Variants in UBE2Z observed in about 807,000 individuals in gnomAD.
UBE2Z encodes the protein ubiquitin conjugating enzyme E2 Z, also known as ubiquitin-conjugating enzyme E2 Z.
UBE2Z carries 10 observed loss-of-function variants against 32.6 expected under a neutral mutation model. That is an observed-to-expected ratio of 0.31 (90% CI 0.19 to 0.52). The LOEUF is 0.52. Among genes scored for constraint, UBE2Z ranks in the 20% least tolerant of loss-of-function variants. The pLI is 0.97. For synonymous variants in UBE2Z, 183 were observed against 190.8 expected (o/e 0.96, Z 0.34); for missense variants, 343 against 480.9 (o/e 0.71, Z 2.68).
chr17:48,926,519 A>C (rs2040799385), intron 6 of UBE2Z, among the ~76,000 whole-genome samples: 1 of 142,088 alleles, frequency 7.0e-6, no homozygotes, highest in African/African-American at 2.7e-5. Context: ...CTTGTTGCCC[A>C]GGCTGGAGTG....
rs958898985 is a variant in UBE2Z at position 48,913,369 on chromosome 17, G to T, written c.578+348G>T. Among the ~76,000 whole-genome samples, 170 of 152,164 alleles carry T rather than the reference G, an allele frequency of 1.1e-3. 1 individual carries two copies. Among genetic ancestry groups the T allele is most frequent in the African/African-American group, 3.9e-3 (163 of 41,534 alleles). The stretch of plus-strand genomic sequence containing the variant: ...TTTTTTTGGTTGTTGTTTTTTGTTT[G>T]TTTTGAGACGGAGTCTTGCTCTGTC... On this transcript the variant is annotated intron_variant, in intron 3 of 6. Transcript: ENST00000360943.
Position 48,927,276 on chromosome 17 carries a change from T to A in UBE2Z, c.*142T>A. 1 of 911,244 alleles carries A rather than the reference T, an allele frequency of 1.1e-6. No homozygotes were observed. The highest frequency in any genetic ancestry group is 2.7e-5 in the East Asian group (1 of 37,584). The allele number at this position is 911,244 out of a possible 1,614,324, so 56.4% of individuals were successfully genotyped here. A position where few individuals can be genotyped will look rare whatever the true frequency, so the allele number is the denominator to read the frequency against. On this transcript the variant is annotated 3_prime_UTR_variant, in exon 7 of 7. Transcript: ENST00000360943. Reference sequence around the variant, plus strand: ...ATGGCAAGAACCAAGCAAGCTCCGATCCCAGGGTGTGGGAGTGGGGGCCTG... The same window carrying A: ...ATGGCAAGAACCAAGCAAGCTCCGAACCCAGGGTGTGGGAGTGGGGGCCTG...
intron 4 of UBE2Z, among the ~76,000 whole-genome samples, chr17:48,919,072 G>C (rs62075839): frequency 0.41 from 62,075 of 151,290 alleles, 15,194 homozygotes; most frequent in East Asian, 0.71. Context: ...TTTACTTCCA[G>C]AATGACTTGC....
Position 48,908,441 on chromosome 17 carries a change from C to T in UBE2Z, c.-63C>T. ...CGGTTCTCGGTGGTGCGGGAGCGGG[C>T]GGGAGCAGCGGCCGCTCTGGTCGGC... On this transcript the variant is annotated 5_prime_UTR_variant, in exon 1 of 7. Coordinates refer to ENST00000360943, the MANE Select transcript of UBE2Z (RefSeq NM_023079.5). 4 of 1,204,744 alleles carry T rather than the reference C, an allele frequency of 3.3e-6. No individual in the cohort carries two copies. Among genetic ancestry groups the T allele is most frequent in the South Asian group, 8.5e-5 (2 of 23,594 alleles). The allele number at this position is 1,204,744 out of a possible 1,614,324, so 74.6% of individuals were successfully genotyped here. A position where few individuals can be genotyped will look rare whatever the true frequency, so the allele number is the denominator to read the frequency against.
Position 48,927,386 on chromosome 17 carries a change from A to G in UBE2Z, c.*252A>G. The G allele has an allele frequency of 2.2e-6, 1 of 464,662 alleles. No homozygotes were observed. Among genetic ancestry groups the G allele is most frequent in the Non-Finnish European group, 3.9e-6 (1 of 254,126 alleles). The allele number at this position is 464,662 out of a possible 1,614,324, so 28.8% of individuals were successfully genotyped here. A position where few individuals can be genotyped will look rare whatever the true frequency, so the allele number is the denominator to read the frequency against. ...GTATCAGGGGCCAAGGTACCTTTAC[A>G]GGAGCACCTAGAGCGAGGGCCTTTG... is the stretch of plus-strand genomic sequence containing the variant. On this transcript the variant is annotated 3_prime_UTR_variant, in exon 7 of 7. Coordinates refer to ENST00000360943, the MANE Select transcript of UBE2Z (RefSeq NM_023079.5).
In UBE2Z at chr17:48,927,270, C is replaced by G. The variant is rs917115571; in HGVS notation, c.*136C>G. 1 of 964,138 alleles carries G rather than the reference C, an allele frequency of 1.0e-6. No individual in the cohort carries two copies. The highest frequency in any genetic ancestry group is 1.6e-5 in the African/African-American group (1 of 60,996). The allele number at this position is 964,138 out of a possible 1,614,324, so 59.7% of individuals were successfully genotyped here. A position where few individuals can be genotyped will look rare whatever the true frequency, so the allele number is the denominator to read the frequency against. Reference sequence around the variant, plus strand: ...TGCAAGATGGCAAGAACCAAGCAAGCTCCGATCCCAGGGTGTGGGAGTGGG... The same window carrying G: ...TGCAAGATGGCAAGAACCAAGCAAGGTCCGATCCCAGGGTGTGGGAGTGGG... On this transcript the variant is annotated 3_prime_UTR_variant, in exon 7 of 7. Coordinates refer to ENST00000360943, the MANE Select transcript of UBE2Z (RefSeq NM_023079.5).
intron 6 of UBE2Z, among the ~76,000 whole-genome samples, chr17:48,925,137 G>T (rs773249348): frequency 1.3e-5 from 2 of 151,920 alleles, no homozygotes; most frequent in African/African-American, 4.8e-5. Flanking sequence ...ACAAAAATTA[G>T]CCAGATGTAG....
At chr17:48,922,778 A>AAT in intron 5 of UBE2Z, 69 bp from the exon 6 acceptor site, 1 of 1,204,624 alleles carries the variant, frequency 8.3e-7, no homozygotes, top group Non-Finnish European at 1.2e-6. Flanking sequence ...AAAAAAAAAA[A>AAT]GGTTAGGTAA....
chr17:48,921,278 T>C lies in UBE2Z; in HGVS notation c.803+6T>C. The C allele has an allele frequency of 6.2e-7, 1 of 1,604,310 alleles. No individual in the cohort carries two copies. Among genetic ancestry groups the C allele is most frequent in the Non-Finnish European group, 8.5e-7 (1 of 1,174,694 alleles). ...CCCTGTCCTGAACCCCTACGGTATGTGTCAAGCGGGCTTGCTTGGTATTCC... is the reference window on the plus strand; with the variant it reads ...CCCTGTCCTGAACCCCTACGGTATGCGTCAAGCGGGCTTGCTTGGTATTCC... On this transcript the variant is annotated splice_donor_region_variant and intron_variant, in intron 5 of 6. Transcript: ENST00000360943.
chr17:48,908,727 A>C lies in UBE2Z; in HGVS notation c.224A>C (p.His75Pro), dbSNP rs1394817895. Residue 75 changes from histidine (H) to proline (P), a missense_variant, in exon 1 of 7, where the codon CAC (histidine) becomes CCC (proline). Physicochemically the swap from His to Pro is moderately conservative, Grantham distance 77. Coordinates refer to ENST00000360943, the MANE Select transcript of UBE2Z (RefSeq NM_023079.5). ...LPGLPPSAAA[H>P]GAALLSHWDP... ...GGGCTCCCGCCCTCAGCCGCTGCCC[A>C]CGGGGCCGCGCTGCTTAGCCACTGG... is the stretch of plus-strand genomic sequence containing the variant. 7.0e-7 allele frequency: 1 copy of C among 1,433,682 alleles called. No homozygotes were observed. Among genetic ancestry groups the C allele is most frequent in the African/African-American group, 1.5e-5 (1 of 67,278 alleles). The allele number at this position is 1,433,682 out of a possible 1,614,324, so 88.8% of individuals were successfully genotyped here.
At chr17:48,926,197 T>G (rs1225959023) in intron 6 of UBE2Z, among the ~76,000 whole-genome samples, 1 of 152,160 alleles carries the variant, frequency 6.6e-6, no homozygotes, top group Non-Finnish European at 1.5e-5. Flanking sequence ...TATCTGAAAG[T>G]CAGAACTCTT....
intron 3 of UBE2Z, among the ~76,000 whole-genome samples, chr17:48,914,122 G>A (rs1337475833): frequency 6.6e-6 from 1 of 152,256 alleles, no homozygotes; most frequent in East Asian, 1.9e-4. Context: ...CTTCTTTCTG[G>A]ATGCTTCTGA....
intron 3 of UBE2Z, chr17:48,915,866 C>CCT: frequency 5.1e-6 from 1 of 194,248 alleles, no homozygotes; most frequent in Non-Finnish European, 8.4e-6. Context: ...TGTTCTTTTG[C>CCT]CCCCCCCCCT....
At chr17:48,924,580 T>C (rs2040784210) in intron 6 of UBE2Z, among the ~76,000 whole-genome samples, 1 of 150,086 alleles carries the variant, frequency 6.7e-6, no homozygotes, top group African/African-American at 2.4e-5. Flanking sequence ...GTGCGGTGGC[T>C]TATGCCTATA....
chr17:48,926,633 C>T lies in UBE2Z; in HGVS notation c.895-331C>T, dbSNP rs140005393. On this transcript the variant is annotated intron_variant, in intron 6 of 6. Coordinates refer to ENST00000360943, the MANE Select transcript of UBE2Z (RefSeq NM_023079.5). ...AGTAGCTGGGATTACAGGCATGCGC[C>T]ACGACACCCGGCTAATTTTGCATTT... Among the ~76,000 whole-genome samples the T allele has an allele frequency of 2.4e-4, 36 of 152,228 alleles. No homozygotes were observed. The East Asian group carries it at 5.8e-3, about 25-fold the overall frequency.
intron 4 of UBE2Z, 75 bp downstream of exon 4, chr17:48,916,262 T>C (rs529654367): frequency 1.5e-6 from 1 of 687,332 alleles, no homozygotes; most frequent in East Asian, 3.8e-5. Flanking sequence ...TTTTTTGTTT[T>C]TTTTTTTTTT....
chr17:48,926,909 T>C, intron 6 of UBE2Z, 55 bp from the exon 7 acceptor site: 1 of 1,564,966 alleles, frequency 6.4e-7, no homozygotes, highest in Non-Finnish European at 8.7e-7. Context: ...TTGCTTTCTC[T>C]AGGATCAGCC....
intron 5 of UBE2Z, 23 bp from the exon 6 acceptor site, chr17:48,922,813 GTTTCTCACTTA>G: frequency 1.1e-5 from 17 of 1,580,032 alleles, no homozygotes; most frequent in Non-Finnish European, 1.5e-5. Flanking sequence ...GTACCCCTGG[GTTTCTCACTTA>G]CACTTTTCTG....
chr17:48,919,385 C>T (rs1040064575), intron 4 of UBE2Z, among the ~76,000 whole-genome samples: 1 of 152,218 alleles, frequency 6.6e-6, no homozygotes, highest in Admixed American at 6.5e-5. Flanking sequence ...CCATACTCCC[C>T]TTCTATTCAC....
Sources: gnomAD v4.1 joint callset for allele counts (sites outside exome capture counted in the v4.1 genomes callset) on GRCh38, gnomAD v4.1.1 for gene constraint, MANE v1.5 for transcripts, NCBI Gene and HGNC (gene_info 2026-07-23, HGNC 2026-07-21) for gene names.